Variants in BBS9 observed in about 807,000 individuals in gnomAD.
BBS9 encodes Bardet-Biedl syndrome 9.
A neutral mutation model predicts 117.7 loss-of-function variants in BBS9; 89 were observed. That is an observed-to-expected ratio of 0.76 (90% CI 0.64 to 0.90). The LOEUF (loss-of-function observed/expected upper bound fraction) is 0.90. Among genes scored for constraint, BBS9 ranks in the 40% least tolerant of loss-of-function variants. BBS9 has a pLI of 0.00. For synonymous variants in BBS9, 379 were observed against 370.9 expected (o/e 1.02, Z -0.25); for missense variants, 982 against 1,042.2 (o/e 0.94, Z 0.80).
intron 12 of BBS9, among the ~76,000 whole-genome samples, chr7:33,345,453 G>T (rs756579947): frequency 6.6e-6 from 1 of 152,218 alleles, no homozygotes; most frequent in African/African-American, 2.4e-5. Context: ...CCTTGGAGGA[G>T]CTTGACAGGG....
chr7:33,151,220 C>G (rs1276863243), intron 2 of BBS9, among the ~76,000 whole-genome samples: 1 of 151,704 alleles, frequency 6.6e-6, no homozygotes, highest in Admixed American at 6.6e-5. Flanking sequence ...TCACTGTACT[C>G]AAGCCTGGGC....
In BBS9 at chr7:33,213,756, G is replaced by T. The variant is rs922663963; in HGVS notation, c.442+36165G>T. Among the ~76,000 whole-genome samples the T allele has an allele frequency of 2.6e-5, 4 of 152,106 alleles. 1 individual carries two copies. Among genetic ancestry groups the T allele is most frequent in the African/African-American group, 9.7e-5 (4 of 41,394 alleles). The stretch of plus-strand genomic sequence containing the variant: ...GCAGTAGGTTGCCTTTTGGTCCAGG[G>T]TGTGTCTAGAAATGTCATTTGGGAG... On this transcript the variant is annotated intron_variant, in intron 5 of 22. Coordinates refer to ENST00000242067, the MANE Select transcript of BBS9 (RefSeq NM_198428.3).
At chr7:33,344,269 G>A (rs1817174011) in intron 11 of BBS9, among the ~76,000 whole-genome samples, 1 of 151,104 alleles carries the variant, frequency 6.6e-6, no homozygotes, top group African/African-American at 2.4e-5. Context: ...TTTTAGTAGA[G>A]ACGGGGTTTC....
At chr7:33,362,002 A>G (rs540277024) in intron 16 of BBS9, among the ~76,000 whole-genome samples, 163 of 152,292 alleles carry the variant, frequency 1.1e-3, no homozygotes, top group Non-Finnish European at 1.7e-3. Context: ...GTTGCTGAAC[A>G]TATCCATCAC....
chr7:33,479,126 A>G (rs558976722), intron 19 of BBS9, among the ~76,000 whole-genome samples: 1 of 152,080 alleles, frequency 6.6e-6, no homozygotes, highest in Admixed American at 6.6e-5. Context: ...TTCAGGGTGT[A>G]CATGTGCAGA....
chr7:33,539,706 G>T (rs1029978852), intron 21 of BBS9, among the ~76,000 whole-genome samples: 1 of 152,172 alleles, frequency 6.6e-6, no homozygotes, highest in African/African-American at 2.4e-5. Flanking sequence ...TGTCATCATT[G>T]TTGTCAGTTT....
intron 5 of BBS9, among the ~76,000 whole-genome samples, chr7:33,246,688 A>G (rs1332697830): frequency 6.6e-6 from 1 of 152,112 alleles, no homozygotes; most frequent in Non-Finnish European, 1.5e-5. Flanking sequence ...GGAATGCTAA[A>G]GTACACGGGT....
intron 1 of BBS9, among the ~76,000 whole-genome samples, chr7:33,134,215 A>ATTTTTTTTTT (rs59609414): frequency 1.1e-3 from 127 of 118,040 alleles, no homozygotes; most frequent in African/African-American, 3.3e-3. Flanking sequence ...ACGCCTGGCT[A>ATTTTTTTTTT]TTTTTTTTTT....
intron 5 of BBS9, among the ~76,000 whole-genome samples, chr7:33,231,424 G>A (rs1281172998): frequency 1.2e-5 from 1 of 85,800 alleles, no homozygotes; most frequent in Non-Finnish European, 2.3e-5. Context: ...TCTGGCCTAT[G>A]TGTCTTTTTT....
chr7:33,143,745 A>C (rs1791896709), intron 1 of BBS9, among the ~76,000 whole-genome samples: 1 of 151,568 alleles, frequency 6.6e-6, no homozygotes, highest in African/African-American at 2.4e-5. Context: ...TTTGTATTTT[A>C]GTAGAGATGA....
chr7:33,369,493 T>A (rs1822453086), intron 17 of BBS9, among the ~76,000 whole-genome samples: 1 of 152,224 alleles, frequency 6.6e-6, no homozygotes. Flanking sequence ...GTATGGCAAT[T>A]CCCTGACTTA....
At chr7:33,632,597 A>C (rs1346229896) in intron 21 of BBS9, among the ~76,000 whole-genome samples, 1 of 152,028 alleles carries the variant, frequency 6.6e-6, no homozygotes, top group African/African-American at 2.4e-5. Flanking sequence ...TCCCTGTCCC[A>C]GAATGACCCA....
At chr7:33,468,633 C>T (rs952511299) in intron 19 of BBS9, among the ~76,000 whole-genome samples, 17 of 152,036 alleles carry the variant, frequency 1.1e-4, no homozygotes, top group Non-Finnish European at 1.5e-4. Context: ...TTTTTGTTCC[C>T]GTTAACCAAC....
At chr7:33,430,806 T>C (rs1012841089) in intron 19 of BBS9, among the ~76,000 whole-genome samples, 3 of 152,208 alleles carry the variant, frequency 2.0e-5, no homozygotes, top group Non-Finnish European at 4.4e-5. Context: ...CTCTCCCTTG[T>C]TGGCTGTTTG....
In BBS9 at chr7:33,373,637, A is replaced by T. The variant is rs534857099; in HGVS notation, c.1789+5775A>T. ...GTCCTGAGCATTTTGGATAAAGTAT[A>T]CCTAATGTGTAGCAAATTGGTATAG... is the stretch of plus-strand genomic sequence containing the variant. On this transcript the variant is annotated intron_variant, in intron 17 of 22. Coordinates refer to ENST00000242067, the MANE Select transcript of BBS9 (RefSeq NM_198428.3). Among the ~76,000 whole-genome samples the T allele has an allele frequency of 2.0e-4, 30 of 152,318 alleles. No homozygotes were observed. The South Asian group carries it at 6.0e-3, about 31-fold the overall frequency.
chr7:33,358,089 A>G, intron 16 of BBS9, 94 bp downstream of exon 16: 1 of 1,464,294 alleles, frequency 6.8e-7, no homozygotes, highest in Non-Finnish European at 9.5e-7. Flanking sequence ...GGTAATTATC[A>G]GATAATTGTT....
intron 7 of BBS9, among the ~76,000 whole-genome samples, chr7:33,267,896 T>C (rs1799092821): frequency 6.6e-6 from 1 of 152,204 alleles, no homozygotes; most frequent in African/African-American, 2.4e-5. Flanking sequence ...AGTGTGGGCC[T>C]GCTGGTGACG....
Position 33,155,506 on chromosome 7 carries a change from T to A in BBS9, c.264-132T>A. The A allele has an allele frequency of 1.6e-5, 10 of 633,186 alleles. No homozygotes were observed. In the South Asian group the frequency reaches 1.8e-4, roughly 11 times the overall value. The allele number at this position is 633,186 out of a possible 1,614,324, so 39.2% of individuals were successfully genotyped here. ...GTTATATTTATTTTTCAGTTTAGAATGTTATCTAATGAATTGTTTTGTTTA... is the reference window on the plus strand; with the variant it reads ...GTTATATTTATTTTTCAGTTTAGAAAGTTATCTAATGAATTGTTTTGTTTA... On this transcript the variant is annotated intron_variant, in intron 3 of 22. Coordinates refer to ENST00000242067, the MANE Select transcript of BBS9 (RefSeq NM_198428.3).
intron 14 of BBS9, chr7:33,351,869 T>C (rs1818724059): frequency 6.0e-6 from 1 of 166,450 alleles, no homozygotes. Context: ...CTCGCGGGCA[T>C]GTCCAGGCAA....
Sources: gnomAD v4.1 joint callset for allele counts (sites outside exome capture counted in the v4.1 genomes callset) on GRCh38, gnomAD v4.1.1 for gene constraint, MANE v1.5 for transcripts, NCBI Gene and HGNC (gene_info 2026-07-23, HGNC 2026-07-21) for gene names.